Variants in PIGU observed in about 807,000 individuals in gnomAD.
PIGU encodes the protein phosphatidylinositol glycan anchor biosynthesis class U, also known as GPI-anchor transamidase component PIGU.
A neutral mutation model predicts 49.9 loss-of-function variants in PIGU; 24 were observed. The ratio of observed to expected loss-of-function variants is 0.48; its 90% confidence interval spans 0.35 to 0.68. PIGU has a LOEUF of 0.68. Ranked by LOEUF, PIGU falls within the 30% of genes least tolerant of loss-of-function variation. The pLI is 0.01. For synonymous variants in PIGU, 220 were observed against 205.7 expected (o/e 1.07, Z -0.59); for missense variants, 490 against 532.6 (o/e 0.92, Z 0.79).
chr20:34,603,861 G>GAC (rs142929319), intron 7 of PIGU, among the ~76,000 whole-genome samples: 1,760 of 143,856 alleles, frequency 0.012, 22 homozygotes, highest in South Asian at 0.015. Flanking sequence ...TTAGTGGACA[G>GAC]ACACACACAC....
chr20:34,653,267 C>T (rs1268897097), intron 2 of PIGU, among the ~76,000 whole-genome samples: 1 of 152,178 alleles, frequency 6.6e-6, no homozygotes, highest in Admixed American at 6.5e-5. Flanking sequence ...CCATGTCTGA[C>T]CCAAGTTGGT....
chr20:34,664,667 T>C (rs1002879404), intron 1 of PIGU, among the ~76,000 whole-genome samples: 4 of 144,548 alleles, frequency 2.8e-5, no homozygotes, highest in Non-Finnish European at 6.0e-5. Flanking sequence ...AAACTCCGTC[T>C]CAAAGCATAA....
chr20:34,641,560 C>G (rs1986165200), intron 4 of PIGU, among the ~76,000 whole-genome samples: 2 of 152,220 alleles, frequency 1.3e-5, no homozygotes, highest in South Asian at 4.2e-4. Context: ...ACCAACTGGT[C>G]ACCATCAGCA....
chr20:34,666,360 C>T (rs1987090652), intron 1 of PIGU, among the ~76,000 whole-genome samples: 1 of 151,956 alleles, frequency 6.6e-6, no homozygotes, highest in Non-Finnish European at 1.5e-5. Context: ...TACACCAGAG[C>T]ATCCAAGTAA....
chr20:34,643,382 A>C (rs1371321643), intron 4 of PIGU, among the ~76,000 whole-genome samples: 1 of 152,156 alleles, frequency 6.6e-6, no homozygotes, highest in South Asian at 2.1e-4. Flanking sequence ...TCTGTCACTG[A>C]TGACCAGTGA....
chr20:34,588,657 G>A, intron 7 of PIGU, 50 bp from the exon 8 acceptor site: 1 of 1,536,248 alleles, frequency 6.5e-7, no homozygotes, highest in Non-Finnish European at 8.9e-7. Flanking sequence ...ACAACAGAGG[G>A]CAGCTATTAG....
intron 3 of PIGU, 100 bp from the exon 4 acceptor site, chr20:34,644,326 C>CA: frequency 1.1e-6 from 1 of 931,824 alleles, no homozygotes; most frequent in Non-Finnish European, 1.7e-6. Context: ...GATGGACTAC[C>CA]AAGTACTGGA....
At chr20:34,574,192 C>T (rs1983128247) in intron 11 of PIGU, among the ~76,000 whole-genome samples, 1 of 152,364 alleles carries the variant, frequency 6.6e-6, no homozygotes, top group Non-Finnish European at 1.5e-5. Flanking sequence ...GAGGAGGGAA[C>T]TTCCAAGAAG....
At chr20:34,576,492 C>T (rs1263946705) in intron 10 of PIGU, among the ~76,000 whole-genome samples, 2 of 152,166 alleles carry the variant, frequency 1.3e-5, no homozygotes, top group Admixed American at 1.3e-4. Context: ...TTTCCAGCAC[C>T]CAGAGGCCCC....
chr20:34,658,915 C>T (rs1204123068), intron 1 of PIGU, among the ~76,000 whole-genome samples: 8 of 150,990 alleles, frequency 5.3e-5, no homozygotes, highest in Admixed American at 2.0e-4. Context: ...GGTCAACCCC[C>T]GCCAGGCCAG....
chr20:34,601,286 G>A (rs1463293000), intron 7 of PIGU, among the ~76,000 whole-genome samples: 1 of 152,088 alleles, frequency 6.6e-6, no homozygotes, highest in East Asian at 1.9e-4. Context: ...ACATGGTTTT[G>A]GAGTCAAGGT....
intron 11 of PIGU, among the ~76,000 whole-genome samples, chr20:34,570,280 C>T (rs1367944353): frequency 1.3e-5 from 2 of 152,236 alleles, no homozygotes; most frequent in Non-Finnish European, 2.9e-5. Flanking sequence ...AAGCCTCTCT[C>T]TCCATGAGCC....
At chr20:34,667,098 T>C (rs1403461636) in intron 1 of PIGU, among the ~76,000 whole-genome samples, 1 of 152,124 alleles carries the variant, frequency 6.6e-6, no homozygotes, top group Non-Finnish European at 1.5e-5. Context: ...CACCCTGGCC[T>C]CCCAAAGTGC....
intron 6 of PIGU, among the ~76,000 whole-genome samples, chr20:34,630,233 G>A (rs1985655569): frequency 6.6e-6 from 1 of 152,072 alleles, no homozygotes; most frequent in Non-Finnish European, 1.5e-5. Flanking sequence ...GAAGACCTCA[G>A]TTCTGGAGAA....
At chr20:34,640,537 C>CCA (rs904971201) in intron 4 of PIGU, among the ~76,000 whole-genome samples, 27 of 35,362 alleles carry the variant, frequency 7.6e-4, no homozygotes, top group Middle Eastern at 0.013. Flanking sequence ...ACACACACAC[C>CCA]CCTTAAGAAA....
At chr20:34,592,036 AAAT>A (rs1984009873) in intron 7 of PIGU, among the ~76,000 whole-genome samples, 1 of 152,008 alleles carries the variant, frequency 6.6e-6, no homozygotes, top group Admixed American at 6.6e-5. Flanking sequence ...AAATACAAAA[AAAT>A]TAGCCGGGCG....
At chr20:34,634,585 G>C in intron 6 of PIGU, 30 bp downstream of exon 6, 1 of 1,599,764 alleles carries the variant, frequency 6.3e-7, no homozygotes, top group Non-Finnish European at 8.5e-7. Context: ...ATCAGGGACT[G>C]ACCTTTGTAC....
chr20:34,618,115 T>C (rs1985079855), intron 6 of PIGU, among the ~76,000 whole-genome samples: 1 of 152,132 alleles, frequency 6.6e-6, no homozygotes, highest in African/African-American at 2.4e-5. Flanking sequence ...AATAAATAAA[T>C]AGAAGACTAA....
At position 34,634,608 on chromosome 20, in the gene PIGU, G is replaced by C. The variant is rs780816827; in HGVS notation, c.529+7C>G. ...CTGACCTTTGTACTCTCCTTTCAGG[G>C]CCTTACCTTTTATCGTAGTCAAAAT... On this transcript the variant is annotated splice_region_variant and intron_variant, in intron 6 of 11. Coordinates refer to ENST00000217446, the MANE Select transcript of PIGU (RefSeq NM_080476.5). 2 of 1,611,954 alleles carry C rather than the reference G, an allele frequency of 1.2e-6. No individual in the cohort carries two copies. Among genetic ancestry groups the C allele is most frequent in the Admixed American group, 3.3e-5 (2 of 59,918 alleles).
Sources: gnomAD v4.1 joint callset for allele counts (sites outside exome capture counted in the v4.1 genomes callset) on GRCh38, gnomAD v4.1.1 for gene constraint, MANE v1.5 for transcripts, NCBI Gene and HGNC (gene_info 2026-07-23, HGNC 2026-07-21) for gene names.